The following GRIK2 variants were observed in gnomAD, a reference collection of about 807,000 sequenced individuals.
GRIK2 encodes the protein glutamate receptor ionotropic, kainate 2.
Under a neutral mutation model 100.3 loss-of-function variants are expected in GRIK2, and 32 were observed. The ratio of observed to expected loss-of-function variants is 0.32; its 90% confidence interval spans 0.24 to 0.43. The LOEUF (loss-of-function observed/expected upper bound fraction) is 0.43, where lower values mean the gene tolerates loss of function less well. Among genes scored for constraint, GRIK2 ranks in the 20% least tolerant of loss-of-function variants. The pLI, the probability that GRIK2 is intolerant of heterozygous loss-of-function variation, is 1.00. For missense variants in GRIK2, 843 were observed against 1,114.9 expected (o/e 0.76, Z 3.47); for synonymous variants, 417 against 389.4 (o/e 1.07, Z -0.83).
chr6:101,754,449 T>C (rs6932088), intron 7 of GRIK2, among the ~76,000 whole-genome samples: 48,037 of 152,102 alleles, frequency 0.32, 10,457 homozygotes, highest in East Asian at 0.72. Context: ...ATTTTCTGTC[T>C]TACGTAGCTG....
chr6:101,400,646 C>T lies in GRIK2; in HGVS notation c.115+1254C>T, dbSNP rs576882655. Among the ~76,000 whole-genome samples, 12 of 152,284 alleles carry T rather than the reference C, an allele frequency of 7.9e-5. No homozygotes were observed. In the East Asian group the frequency reaches 2.1e-3, roughly 27 times the overall value. On this transcript the variant is annotated intron_variant, in intron 2 of 16. Coordinates refer to ENST00000369134, the MANE Select transcript of GRIK2 (RefSeq NM_021956.5). ...ATCTTCTATCATGCCAACAGCATCT[C>T]CTGTCTTTCCATTTTACCATGTGTG...
intron 14 of GRIK2, among the ~76,000 whole-genome samples, chr6:101,941,188 A>G (rs940978585): frequency 6.6e-6 from 1 of 152,104 alleles, no homozygotes; most frequent in African/African-American, 2.4e-5. Context: ...TATTATTTTA[A>G]TCAAAATATA....
chr6:101,552,077 G>A (rs573384907), intron 2 of GRIK2, among the ~76,000 whole-genome samples: 2 of 152,198 alleles, frequency 1.3e-5, no homozygotes, highest in African/African-American at 4.8e-5. Flanking sequence ...TGCATGTGTA[G>A]TTTTTTTCAG....
rs184869817 is a variant in GRIK2 at position 101,855,333 on chromosome 6, C to T, written c.1318-3954C>T. Among the ~76,000 whole-genome samples the T allele has an allele frequency of 1.2e-3, 182 of 152,176 alleles. 2 individuals are homozygous for T. Among genetic ancestry groups the T allele is most frequent in the African/African-American group, 4.1e-3 (171 of 41,522 alleles). On this transcript the variant is annotated intron_variant, in intron 10 of 16. Coordinates refer to ENST00000369134, the MANE Select transcript of GRIK2 (RefSeq NM_021956.5). ...GGGGAAGAAAGAATTGCACATACAT[C>T]AAAAGATAAATAAACAAAACTTCAG...
At position 101,705,682 on chromosome 6, in the gene GRIK2, G is replaced by A. The variant is rs552820864; in HGVS notation, c.951+19329G>A. Among the ~76,000 whole-genome samples the A allele has an allele frequency of 6.6e-5, 10 of 151,862 alleles. No homozygotes were observed. In the East Asian group the frequency reaches 1.8e-3, roughly 27 times the overall value. Reference sequence around the variant, plus strand: ...TAAAATAGTGACGGTTACTGCAACCGAATCTGCTGTCTTAATATGCTATCA... The same window carrying A: ...TAAAATAGTGACGGTTACTGCAACCAAATCTGCTGTCTTAATATGCTATCA... On this transcript the variant is annotated intron_variant, in intron 7 of 16. Coordinates refer to ENST00000369134, the MANE Select transcript of GRIK2 (RefSeq NM_021956.5).
At chr6:102,030,300 C>A (rs1458641167) in intron 14 of GRIK2, among the ~76,000 whole-genome samples, 4 of 151,200 alleles carry the variant, frequency 2.6e-5, no homozygotes, top group Non-Finnish European at 5.9e-5. Context: ...CCGCCATTGG[C>A]ATTTAAACAT....
At chr6:102,041,631 C>T (rs556029695) in intron 15 of GRIK2, among the ~76,000 whole-genome samples, 2 of 151,360 alleles carry the variant, frequency 1.3e-5, no homozygotes, top group South Asian at 2.1e-4. Context: ...TTACTGAGTC[C>T]CTATTACACT....
chr6:101,442,478 T>C (rs1770126917), intron 2 of GRIK2, among the ~76,000 whole-genome samples: 1 of 152,128 alleles, frequency 6.6e-6, no homozygotes, highest in African/African-American at 2.4e-5. Context: ...CCTTTTTTAC[T>C]TGGCTGTCTC....
chr6:101,484,209 A>G (rs965959297), intron 2 of GRIK2, among the ~76,000 whole-genome samples: 34 of 152,194 alleles, frequency 2.2e-4, no homozygotes, highest in Admixed American at 1.8e-3. Context: ...TTGATAGCAC[A>G]TATGAATAAT....
intron 12 of GRIK2, among the ~76,000 whole-genome samples, chr6:101,900,807 A>T (rs755018771): frequency 2.0e-5 from 3 of 151,958 alleles, no homozygotes; most frequent in South Asian, 4.1e-4. Flanking sequence ...AGATAATTGC[A>T]TATTAGTTAA....
chr6:101,841,877 A>T (rs1783527250), intron 10 of GRIK2, among the ~76,000 whole-genome samples: 1 of 152,106 alleles, frequency 6.6e-6, no homozygotes, highest in South Asian at 2.1e-4. Context: ...TGGTACCTGG[A>T]TTTAATATCT....
intron 10 of GRIK2, among the ~76,000 whole-genome samples, chr6:101,837,518 C>T (rs1349907186): frequency 6.6e-6 from 1 of 152,024 alleles, no homozygotes; most frequent in Non-Finnish European, 1.5e-5. Flanking sequence ...TAAATATATG[C>T]AGTTTTTATC....
chr6:101,471,619 ATTTATCTC>A (rs1004239002), intron 2 of GRIK2, among the ~76,000 whole-genome samples: 4 of 151,986 alleles, frequency 2.6e-5, no homozygotes, highest in African/African-American at 9.7e-5. Flanking sequence ...CTGTTACAAT[ATTTATCTC>A]TTTAAAATTA....
intron 12 of GRIK2, among the ~76,000 whole-genome samples, chr6:101,892,857 T>C (rs1411130265): frequency 6.6e-6 from 1 of 151,466 alleles, no homozygotes; most frequent in Non-Finnish European, 1.5e-5. Context: ...AAAATATTTC[T>C]GAATTTGAAA....
At chr6:101,973,403 A>G (rs73763610) in intron 14 of GRIK2, among the ~76,000 whole-genome samples, 2,475 of 152,006 alleles carry the variant, frequency 0.016, 73 homozygotes, top group African/African-American at 0.058. Context: ...ATTCAATCTC[A>G]ATAATATCCA....
chr6:101,612,716 ATGTGTGTGTGTGTG>A (rs139709674), intron 2 of GRIK2, among the ~76,000 whole-genome samples: 1 of 143,326 alleles, frequency 7.0e-6, no homozygotes, highest in South Asian at 2.2e-4. Flanking sequence ...GTATGTGTTA[ATGTGTGTGTGTGTG>A]TGTGTGTGTG....
chr6:101,441,768 A>T (rs1309567592), intron 2 of GRIK2, among the ~76,000 whole-genome samples: 2 of 152,102 alleles, frequency 1.3e-5, no homozygotes, highest in African/African-American at 2.4e-5. Flanking sequence ...GTAGTTTTTC[A>T]GTTCTCCCCT....
At chr6:101,745,160 G>GT (rs995593849) in intron 7 of GRIK2, 3 of 152,074 alleles carry the variant, frequency 2.0e-5, no homozygotes, top group Non-Finnish European at 4.4e-5. Context: ...GAGTAATTTA[G>GT]TTTTTTTCAA....
intron 2 of GRIK2, among the ~76,000 whole-genome samples, chr6:101,588,255 A>G (rs1313107512): frequency 6.6e-6 from 1 of 152,114 alleles, no homozygotes; most frequent in Non-Finnish European, 1.5e-5. Context: ...AAAAAAGCAT[A>G]AACTAAAAAC....
Sources: gnomAD v4.1 joint callset for allele counts (sites outside exome capture counted in the v4.1 genomes callset) on GRCh38, gnomAD v4.1.1 for gene constraint, MANE v1.5 for transcripts, NCBI Gene and HGNC (gene_info 2026-07-23, HGNC 2026-07-21) for gene names.